NBN: variants seen among roughly 807,000 people sequenced by gnomAD.
The protein encoded by NBN is nibrin, also known as Nijmegen breakage syndrome 1 (nibrin).
Under a neutral mutation model 90.8 loss-of-function variants are expected in NBN, and 88 were observed. The ratio of observed to expected loss-of-function variants is 0.97; its 90% CI spans 0.82 to 1.16. The LOEUF (loss-of-function observed/expected upper bound fraction) is 1.16. Among genes scored for constraint, NBN ranks in the 50% most tolerant of loss-of-function variants. The pLI, the probability that NBN is intolerant of heterozygous loss-of-function variation, is 0.00. For synonymous variants in NBN, 328 were observed against 295.1 expected (o/e 1.11, Z -1.14); for missense variants, 894 against 869.6 (o/e 1.03, Z -0.35).
At chr8:89,967,410 A>G (rs1359135838) in intron 7 of NBN, among the ~76,000 whole-genome samples, 3 of 152,214 alleles carry the variant, frequency 2.0e-5, no homozygotes, top group African/African-American at 7.2e-5. Context: ...GTTATTTTCA[A>G]AGATCTGGCT....
At chr8:89,957,286 T>A (rs1343580593) in intron 9 of NBN, among the ~76,000 whole-genome samples, 3 of 152,240 alleles carry the variant, frequency 2.0e-5, no homozygotes. Flanking sequence ...CTAACATGTA[T>A]GTTTATGTCT....
intron 9 of NBN, among the ~76,000 whole-genome samples, chr8:89,957,790 T>C (rs992214362): frequency 1.3e-5 from 2 of 152,104 alleles, no homozygotes; most frequent in Admixed American, 6.6e-5. Flanking sequence ...CTAGGAGAAA[T>C]AGTCTATACC....
At chr8:89,950,006 T>A (rs558802072) in intron 11 of NBN, among the ~76,000 whole-genome samples, 1 of 152,350 alleles carries the variant, frequency 6.6e-6, no homozygotes, top group South Asian at 2.1e-4. Context: ...CTGGTTGTGA[T>A]ACTGTACTGT....
intron 4 of NBN, among the ~76,000 whole-genome samples, chr8:89,978,934 A>G (rs1811910635): frequency 6.6e-6 from 1 of 152,242 alleles, no homozygotes. Context: ...AAACATTAGA[A>G]AATGCTACAG....
chr8:89,940,552 G>C (rs1042578425), intron 14 of NBN, among the ~76,000 whole-genome samples: 1 of 147,340 alleles, frequency 6.8e-6, no homozygotes, highest in African/African-American at 2.5e-5. Context: ...GTAGCAAACA[G>C]AATATCTGGA....
At chr8:89,982,604 C>G in intron 2 of NBN, 118 bp downstream of exon 2, 1 of 937,664 alleles carries the variant, frequency 1.1e-6, no homozygotes, top group Non-Finnish European at 1.8e-6. Flanking sequence ...TTAAAAAAGT[C>G]TACACAGCTC....
intron 9 of NBN, 69 bp from the exon 10 acceptor site, chr8:89,955,624 T>C: frequency 6.7e-7 from 1 of 1,497,738 alleles, no homozygotes; most frequent in East Asian, 2.3e-5. Flanking sequence ...GAAACAAAGA[T>C]CGTTAAATAG....
chr8:89,947,291 C>A (rs940485087), intron 12 of NBN, among the ~76,000 whole-genome samples: 1 of 152,108 alleles, frequency 6.6e-6, no homozygotes, highest in Non-Finnish European at 1.5e-5. Flanking sequence ...GGGAATTACA[C>A]CCTGGCTTCT....
chr8:89,968,879 C>G (rs143103427), intron 7 of NBN, among the ~76,000 whole-genome samples: 28 of 152,270 alleles, frequency 1.8e-4, no homozygotes, highest in African/African-American at 6.5e-4. Context: ...AATGGAACTA[C>G]AGTAAATTTG....
intron 12 of NBN, chr8:89,946,664 T>A (rs974289056): frequency 8.1e-6 from 2 of 245,650 alleles, no homozygotes; most frequent in Non-Finnish European, 1.6e-5. Context: ...TTCATTAAAA[T>A]TGTACACTGA....
chr8:89,971,603 A>G, intron 5 of NBN, among the ~76,000 whole-genome samples: 1 of 152,234 alleles, frequency 6.6e-6, no homozygotes, highest in East Asian at 1.9e-4. Flanking sequence ...TCTGAATTAC[A>G]AAAGTTTGAG....
intron 5 of NBN, among the ~76,000 whole-genome samples, chr8:89,976,495 G>A (rs1811763984): frequency 1.3e-5 from 2 of 152,178 alleles, no homozygotes; most frequent in South Asian, 2.1e-4. Flanking sequence ...TTAATCATTC[G>A]TAGGACTGCT....
At chr8:89,978,114 G>A in intron 5 of NBN, 106 bp downstream of exon 5, 2 of 1,010,790 alleles carry the variant, frequency 2.0e-6, no homozygotes, top group Non-Finnish European at 3.0e-6. Flanking sequence ...CTATAACACA[G>A]CAACTATTAC....
intron 14 of NBN, among the ~76,000 whole-genome samples, chr8:89,941,603 C>T (rs1320836495): frequency 1.3e-5 from 2 of 152,160 alleles, no homozygotes; most frequent in Non-Finnish European, 2.9e-5. Flanking sequence ...CAATGTCTCT[C>T]TCTTCCTTCC....
At chr8:89,937,326 T>C (rs1586024918) in intron 14 of NBN, 1 of 494,812 alleles carries the variant, frequency 2.0e-6, no homozygotes, top group Non-Finnish European at 3.7e-6. Flanking sequence ...ACCAATAGTA[T>C]ATTGCTAGCT....
At chr8:89,982,932 A>T in intron 1 of NBN, 77 bp from the exon 2 acceptor site, 1 of 1,368,676 alleles carries the variant, frequency 7.3e-7, no homozygotes, top group Non-Finnish European at 1.0e-6. Context: ...CATACATGTA[A>T]GTGTATATGA....
rs1187898389 is a variant in NBN at position 89,981,399 on chromosome 8, A to T, written c.296T>A (p.Phe99Tyr). The T allele has an allele frequency of 1.2e-6, 2 of 1,614,088 alleles. No individual in the cohort carries two copies. The highest frequency in any genetic ancestry group is 2.7e-5 in the African/African-American group (2 of 75,052). Residue 99 changes from phenylalanine (F) to tyrosine (Y), a missense_variant, in exon 3 of 16, where the codon TTT (phenylalanine) becomes TAT (tyrosine). Coordinates refer to ENST00000265433, the MANE Select transcript of NBN (RefSeq NM_002485.5). ...CCTGAATTTACTTCCAAACACTCCA[A>T]AAGTAATACCATCCCCCGACTTCAA... Reference protein sequence around the residue: ...RTLKSGDGITFGVFGSKFRIE... With the variant: ...RTLKSGDGITYGVFGSKFRIE...
intron 2 of NBN, 154 bp from the exon 3 acceptor site, chr8:89,981,677 A>AC (rs1475982329): frequency 1.4e-6 from 1 of 740,482 alleles, no homozygotes; most frequent in Non-Finnish European, 2.2e-6. Context: ...GAGGAAGATC[A>AC]CTCAACTAAC....
Position 89,958,724 on chromosome 8 carries a change from C to G in NBN, c.1124+1G>C, listed in dbSNP as rs1057517209. On this transcript the variant is annotated splice_donor_variant, in intron 9 of 15. Transcript: ENST00000265433. LOFTEE classifies it high-confidence loss of function. ...ATAGTACGGTAATGAAGAAGCTTTA[C>G]CATGTATCTGCTTGCTCTGATTCTG... 1.2e-6 allele frequency: 2 copies of G among 1,613,690 alleles called. No individual in the cohort carries two copies. The highest frequency in any genetic ancestry group is 8.5e-7 in the Non-Finnish European group (1 of 1,179,686).
Sources: gnomAD v4.1 joint callset for allele counts (sites outside exome capture counted in the v4.1 genomes callset) on GRCh38, gnomAD v4.1.1 for gene constraint, MANE v1.5 for transcripts, NCBI Gene and HGNC (gene_info 2026-07-23, HGNC 2026-07-21) for gene names.